AGBL4: variants seen among roughly 807,000 people sequenced by gnomAD.
AGBL4 encodes the protein cytosolic carboxypeptidase 6.
Under a neutral mutation model 66.4 loss-of-function variants are expected in AGBL4, and 58 were observed. The observed-to-expected ratio is 0.87, with a 90% CI of 0.71 to 1.09. The LOEUF is 1.09. AGBL4 is among the 50% of genes least tolerant of loss of function. The pLI is 0.00. For missense variants in AGBL4, 579 were observed against 631.0 expected (o/e 0.92, Z 0.88); for synonymous variants, 234 against 222.9 (o/e 1.05, Z -0.44).
intron 2 of AGBL4, among the ~76,000 whole-genome samples, chr1:49,775,769 C>T (rs72686748): frequency 0.092 from 13,981 of 151,762 alleles, 851 homozygotes; most frequent in African/African-American, 0.16. Context: ...AATGTGTGAA[C>T]AAATGAATAA....
chr1:49,847,328 C>A (rs1646174655), intron 2 of AGBL4, among the ~76,000 whole-genome samples: 1 of 152,104 alleles, frequency 6.6e-6, no homozygotes, highest in Non-Finnish European at 1.5e-5. Flanking sequence ...ACTATGGAAA[C>A]CTCTTTTGGA....
chr1:48,828,565 A>AT (rs1032354937), intron 6 of AGBL4, among the ~76,000 whole-genome samples: 1 of 151,776 alleles, frequency 6.6e-6, no homozygotes, highest in Admixed American at 6.6e-5. Context: ...ATTTGGAGTG[A>AT]TTTTTTTTCT....
chr1:48,582,879 C>T (rs766362854), intron 11 of AGBL4, among the ~76,000 whole-genome samples: 6 of 152,172 alleles, frequency 3.9e-5, no homozygotes, highest in Non-Finnish European at 8.8e-5. Context: ...TTGGCTGGTG[C>T]TTTTCCAAGG....
chr1:49,194,118 A>G (rs354160), intron 4 of AGBL4, among the ~76,000 whole-genome samples: 47,733 of 151,886 alleles, frequency 0.31, 8,226 homozygotes, highest in East Asian at 0.72. Context: ...AGGATGTTGA[A>G]GTCCTCCATT....
chr1:49,673,479 G>C (rs1646519813), intron 3 of AGBL4, among the ~76,000 whole-genome samples: 1 of 152,086 alleles, frequency 6.6e-6, no homozygotes, highest in Non-Finnish European at 1.5e-5. Flanking sequence ...TAACTCAAAG[G>C]ACAAATGCAT....
rs892671172 is a variant in AGBL4, at chr1:49,489,966, T to C, written c.282+207347A>G. 1.2e-4 allele frequency among the ~76,000 whole-genome samples: 18 copies of C among 151,740 alleles called. 1 individual carries two copies. The highest frequency in any genetic ancestry group is 3.9e-4 in the African/African-American group (16 of 41,410). On this transcript the variant is annotated intron_variant, in intron 3 of 13. Coordinates refer to ENST00000371839, the MANE Select transcript of AGBL4 (RefSeq NM_032785.4). ...TCTCTTGGATTTTCTATGTAGGAAATCATCATCTGGAAATAAGAAATAATT... is the reference window on the plus strand; with the variant it reads ...TCTCTTGGATTTTCTATGTAGGAAACCATCATCTGGAAATAAGAAATAATT...
intron 3 of AGBL4, among the ~76,000 whole-genome samples, chr1:49,250,440 A>AT (rs1242148895): frequency 0.19 from 23,576 of 122,682 alleles, 2,858 homozygotes; most frequent in East Asian, 0.34. Context: ...ACAGGAACTA[A>AT]TTTTTTTTTT....
chr1:48,843,515 T>G (rs1646849605), intron 6 of AGBL4, among the ~76,000 whole-genome samples: 1 of 152,126 alleles, frequency 6.6e-6, no homozygotes, highest in South Asian at 2.1e-4. Flanking sequence ...GTTTTCATAT[T>G]TTCGAATAGT....
chr1:48,889,782 GCA>G (rs1245126016), intron 5 of AGBL4, among the ~76,000 whole-genome samples: 2 of 152,302 alleles, frequency 1.3e-5, no homozygotes, highest in African/African-American at 4.8e-5. Flanking sequence ...CAGATTCAGA[GCA>G]CAGTTGAATC....
At chr1:48,754,002 G>C (rs1258137362) in intron 6 of AGBL4, among the ~76,000 whole-genome samples, 1 of 152,162 alleles carries the variant, frequency 6.6e-6, no homozygotes, top group Non-Finnish European at 1.5e-5. Context: ...TGAGACTTGT[G>C]TGCATCCTGA....
chr1:48,738,324 T>A (rs796972469), intron 6 of AGBL4, among the ~76,000 whole-genome samples: 20 of 152,344 alleles, frequency 1.3e-4, no homozygotes, highest in African/African-American at 4.8e-4. Flanking sequence ...TAGATCCACC[T>A]GGCCTCTCTG....
chr1:49,446,310 C>T (rs1219241471), intron 3 of AGBL4, among the ~76,000 whole-genome samples: 1 of 152,124 alleles, frequency 6.6e-6, no homozygotes, highest in Non-Finnish European at 1.5e-5. Flanking sequence ...CAGTCACTTT[C>T]TCCTATTTTT....
chr1:48,574,176 A>C (rs1321882277), intron 11 of AGBL4, among the ~76,000 whole-genome samples: 1 of 152,214 alleles, frequency 6.6e-6, no homozygotes, highest in African/African-American at 2.4e-5. Context: ...AGAAGAAACA[A>C]GTTCAAGCTT....
At chr1:49,624,309 G>A (rs1345686454) in intron 3 of AGBL4, among the ~76,000 whole-genome samples, 1 of 152,062 alleles carries the variant, frequency 6.6e-6, no homozygotes, top group African/African-American at 2.4e-5. Context: ...ATGCTTAAAT[G>A]TGTTAGCTCA....
chr1:49,110,712 C>T (rs976590803), intron 4 of AGBL4, among the ~76,000 whole-genome samples: 5 of 152,146 alleles, frequency 3.3e-5, no homozygotes, highest in African/African-American at 4.8e-5. Flanking sequence ...AGCAAACAAC[C>T]TTGACCCCGT....
intron 9 of AGBL4, among the ~76,000 whole-genome samples, chr1:48,592,796 T>A (rs539291507): frequency 6.6e-6 from 1 of 152,304 alleles, no homozygotes; most frequent in African/African-American, 2.4e-5. Context: ...TTGCTTAAGG[T>A]TGGCCAGCAA....
rs190663344 is a variant in AGBL4, at chr1:49,838,855, A to G, written c.157+12541T>C. The stretch of plus-strand genomic sequence containing the variant: ...TACCTTAAATTGTTATTTAAAAAAA[A>G]CTCAACCATATTTAATAAGATGATG... On this transcript the variant is annotated intron_variant, in intron 2 of 13. Transcript: ENST00000371839. 7.2e-4 allele frequency among the ~76,000 whole-genome samples: 110 copies of G among 152,246 alleles called. 1 individual carries two copies. The highest frequency in any genetic ancestry group is 2.6e-3 in the African/African-American group (106 of 41,548).
intron 3 of AGBL4, among the ~76,000 whole-genome samples, chr1:49,329,044 C>A (rs1184870599): frequency 1.3e-5 from 2 of 152,162 alleles, no homozygotes; most frequent in South Asian, 2.1e-4. Context: ...CAGTGGCTCA[C>A]GCCTGTAATC....
At chr1:48,796,700 T>C (rs1305390283) in intron 6 of AGBL4, among the ~76,000 whole-genome samples, 1 of 152,120 alleles carries the variant, frequency 6.6e-6, no homozygotes, top group African/African-American at 2.4e-5. Context: ...TGGTTACGAG[T>C]CTAAAGACAT....
Sources: allele counts gnomAD v4.1 joint callset (sites outside exome capture counted in the v4.1 genomes callset), GRCh38; gene constraint gnomAD v4.1.1; transcripts MANE v1.5; gene names NCBI Gene and HGNC (gene_info 2026-07-23, HGNC 2026-07-21).